Variants in SLC24A2 observed in about 807,000 individuals in gnomAD.
The protein encoded by SLC24A2 is sodium/potassium/calcium exchanger 2.
Under a neutral mutation model 62.0 loss-of-function variants are expected in SLC24A2, and 36 were observed. That is an observed-to-expected ratio of 0.58 (90% CI 0.44 to 0.77). SLC24A2 has a LOEUF of 0.77. Ranked by LOEUF, SLC24A2 falls within the 30% of genes least tolerant of loss-of-function variation. The probability of loss-of-function intolerance (pLI) is 0.00; values close to 1 mark genes in which losing one functional copy is unlikely to be tolerated. For missense variants in SLC24A2, 846 were observed against 817.9 expected (o/e 1.03, Z -0.42); for synonymous variants, 358 against 294.0 (o/e 1.22, Z -2.23).
the SLC24A2 span, among the ~76,000 whole-genome samples, chr9:20,093,333 A>G: frequency 1.3e-5 from 2 of 151,734 alleles, no homozygotes; most frequent in East Asian, 3.9e-4. Flanking sequence ...CGGCCTCCCA[A>G]AGTGCTGGGA....
the SLC24A2 span, among the ~76,000 whole-genome samples, chr9:19,815,077 T>C: frequency 6.6e-6 from 1 of 152,176 alleles, no homozygotes; most frequent in African/African-American, 2.4e-5. Flanking sequence ...AGGAGAATTA[T>C]AGATTTTGGC....
At chr9:19,801,796 T>C in the SLC24A2 span, among the ~76,000 whole-genome samples, 3 of 152,200 alleles carry the variant, frequency 2.0e-5, no homozygotes, top group African/African-American at 7.2e-5. Flanking sequence ...GCCTAGGAAA[T>C]CCAGCTAGTG....
At chr9:19,787,515 T>C (rs1327324022) in intron 1 of SLC24A2, among the ~76,000 whole-genome samples, 2 of 152,228 alleles carry the variant, frequency 1.3e-5, no homozygotes, top group African/African-American at 4.8e-5. Context: ...CTTTTTCTGA[T>C]TTAACCTATC....
At position 19,573,372 on chromosome 9, in the gene SLC24A2, G is replaced by A. The variant is rs760202997; in HGVS notation, c.1326C>T (p.Asn442=). The change falls in exon 7 of 11, where the codon AAC becomes AAT. Residue 442 remains asparagine (N), a synonymous_variant. Coordinates refer to ENST00000341998, the MANE Select transcript of SLC24A2 (RefSeq NM_020344.4). ...EPVQNGNLSH[N]IEGAEAQTAD... is the part of the protein sequence containing the mutation. Reference sequence around the variant, plus strand: ...ATACCTGGGCTTCTGCACCTTCAATGTTGTGGGAGAGATTTCCATTTTGTA... The same window carrying A: ...ATACCTGGGCTTCTGCACCTTCAATATTGTGGGAGAGATTTCCATTTTGTA... The A allele has an allele frequency of 1.5e-5, 24 of 1,611,980 alleles. No individual in the cohort carries two copies. Among genetic ancestry groups the A allele is most frequent in the Admixed American group, 6.7e-5 (4 of 59,994 alleles).
intron 2 of SLC24A2, among the ~76,000 whole-genome samples, chr9:19,743,694 T>C (rs1214945078): frequency 6.6e-6 from 1 of 152,180 alleles, no homozygotes; most frequent in Non-Finnish European, 1.5e-5. Flanking sequence ...GCTGCCCTCC[T>C]TTAAAATATC....
the SLC24A2 span, among the ~76,000 whole-genome samples, chr9:19,830,555 C>A: frequency 6.6e-6 from 1 of 152,138 alleles, no homozygotes; most frequent in African/African-American, 2.4e-5. Flanking sequence ...AAACCTCAAT[C>A]CACAATAACA....
the SLC24A2 span, among the ~76,000 whole-genome samples, chr9:20,197,727 C>T: frequency 1.3e-5 from 2 of 152,074 alleles, no homozygotes; most frequent in African/African-American, 4.8e-5. Context: ...CCGAGCCAGG[C>T]CATAATTGGG....
chr9:20,200,671 C>G, the SLC24A2 span, among the ~76,000 whole-genome samples: 1 of 152,168 alleles, frequency 6.6e-6, no homozygotes, highest in Non-Finnish European at 1.5e-5. Context: ...CAAAAGAGGC[C>G]TAGAAGCTTC....
chr9:19,801,199 G>C, the SLC24A2 span, among the ~76,000 whole-genome samples: 1 of 152,216 alleles, frequency 6.6e-6, no homozygotes, highest in South Asian at 2.1e-4. Flanking sequence ...CATGCGGTGA[G>C]TGTTTTAGCT....
At chr9:20,100,096 T>C in the SLC24A2 span, among the ~76,000 whole-genome samples, 1 of 152,086 alleles carries the variant, frequency 6.6e-6, no homozygotes, top group African/African-American at 2.4e-5. Context: ...GACAGCCTCG[T>C]CCTCCTGGGC....
At chr9:20,228,885 G>A in the SLC24A2 span, among the ~76,000 whole-genome samples, 9 of 152,134 alleles carry the variant, frequency 5.9e-5, no homozygotes, top group African/African-American at 2.2e-4. Context: ...TAAATGGAGG[G>A]TGAAGCATGG....
chr9:19,762,381 C>T lies in SLC24A2; in HGVS notation c.930+23556G>A, dbSNP rs550020693. Among the ~76,000 whole-genome samples, 66 of 152,266 alleles carry T rather than the reference C, an allele frequency of 4.3e-4. No homozygotes were observed. In the East Asian group the frequency reaches 0.012, roughly 27 times the overall value. On this transcript the variant is annotated intron_variant, in intron 2 of 10. Coordinates refer to ENST00000341998, the MANE Select transcript of SLC24A2 (RefSeq NM_020344.4). ...TGGTGTTTTAGTCATGAAGTCTTTGCCCATGCCTATGTCCTGAATGGTATT... is the reference window on the plus strand; with the variant it reads ...TGGTGTTTTAGTCATGAAGTCTTTGTCCATGCCTATGTCCTGAATGGTATT...
chr9:20,170,742 A>C, the SLC24A2 span, among the ~76,000 whole-genome samples: 1 of 152,078 alleles, frequency 6.6e-6, no homozygotes. Flanking sequence ...TCATAAGAAT[A>C]ATCAGTGTTC....
intron 5 of SLC24A2, among the ~76,000 whole-genome samples, chr9:19,578,286 C>T (rs1163838510): frequency 6.7e-6 from 1 of 149,550 alleles, no homozygotes; most frequent in East Asian, 2.0e-4. Context: ...TCATTTTAAA[C>T]AGCTGTAACA....
chr9:19,672,155 A>G (rs1475732124), intron 2 of SLC24A2, among the ~76,000 whole-genome samples: 1 of 146,476 alleles, frequency 6.8e-6, no homozygotes, highest in Admixed American at 6.7e-5. Context: ...TGTCTGATAG[A>G]ATTCAGCTGT....
At chr9:20,114,132 G>A in the SLC24A2 span, among the ~76,000 whole-genome samples, 1 of 152,258 alleles carries the variant, frequency 6.6e-6, no homozygotes, top group Non-Finnish European at 1.5e-5. Context: ...TTAGAGAAGA[G>A]AGAGCTGAAC....
the SLC24A2 span, among the ~76,000 whole-genome samples, chr9:20,191,394 T>C: frequency 6.6e-6 from 1 of 152,010 alleles, no homozygotes; most frequent in Non-Finnish European, 1.5e-5. Flanking sequence ...TCATAAATGG[T>C]GCCTTCCCGT....
At chr9:20,034,697 T>A in the SLC24A2 span, among the ~76,000 whole-genome samples, 1 of 152,114 alleles carries the variant, frequency 6.6e-6, no homozygotes, top group African/African-American at 2.4e-5. Context: ...CTCGATCTCC[T>A]GAACTCGTGA....
At chr9:19,980,923 T>A in the SLC24A2 span, among the ~76,000 whole-genome samples, 1 of 152,224 alleles carries the variant, frequency 6.6e-6, no homozygotes, top group South Asian at 2.1e-4. Flanking sequence ...ATAACTTGTA[T>A]TCCCATCCCA....
Sources: gnomAD v4.1 joint callset for allele counts (sites outside exome capture counted in the v4.1 genomes callset) on GRCh38, gnomAD v4.1.1 for gene constraint, MANE v1.5 for transcripts, NCBI Gene and HGNC (gene_info 2026-07-23, HGNC 2026-07-21) for gene names.